The following SNRPD3 variants were observed in gnomAD, a reference collection of about 807,000 sequenced individuals.
SNRPD3 encodes the protein small nuclear ribonucleoprotein D3 polypeptide.
For missense variants in SNRPD3, 73 were observed against 167.5 expected (o/e 0.44, Z 3.11); for synonymous variants, 66 against 58.4 (o/e 1.13, Z -0.59).
chr22:24,561,064 C>CTTTTTTTTTTTTTTTTTTTTTTTTTT lies in SNRPD3; in HGVS notation c.126+3289_126+3290insTTTTTTTTTTTTTTTTTTTTTTTTTT, dbSNP rs1164120857. Among the ~76,000 whole-genome samples, 26 of 61,688 alleles carry CTTTTTTTTTTTTTTTTTTTTTTTTTT rather than the reference C, an allele frequency of 4.2e-4. 2 individuals are homozygous for CTTTTTTTTTTTTTTTTTTTTTTTTTT. Among genetic ancestry groups the CTTTTTTTTTTTTTTTTTTTTTTTTTT allele is most frequent in the African/African-American group, 1.1e-3 (15 of 13,076 alleles). The allele number at this position is 61,688 out of a possible 152,430, so 40.5% of individuals were successfully genotyped here. On this transcript the variant is annotated intron_variant, in intron 2 of 3. Coordinates refer to ENST00000215829, the MANE Select transcript of SNRPD3 (RefSeq NM_004175.5). The stretch of plus-strand genomic sequence containing the variant: ...TTTTTTTTCTTTTCCTTTTTCTTTT[C>CTTTTTTTTTTTTTTTTTTTTTTTTTT]TTTTTTTTTTTTTTTTTTTTTTTTT...
At position 24,574,667 on chromosome 22, in the gene SNRPD3, G is replaced by A. The variant is rs2045275276; in HGVS notation, c.*2690G>A. Among the ~76,000 whole-genome samples the A allele has an allele frequency of 6.6e-6, 1 of 152,166 alleles. No homozygotes were observed. Among genetic ancestry groups the A allele is most frequent in the South Asian group, 2.1e-4 (1 of 4,836 alleles). ...GGTGATTCTCCCACCTCAGCCTCCT[G>A]AGTAGCTAGAAATACTGGTGCACAC... On this transcript the variant is annotated 3_prime_UTR_variant, in exon 4 of 4. Transcript: ENST00000215829.
At chr22:24,568,989 G>C (rs765937714) in intron 3 of SNRPD3, among the ~76,000 whole-genome samples, 14 of 152,228 alleles carry the variant, frequency 9.2e-5, no homozygotes, top group Non-Finnish European at 1.8e-4. Context: ...GATTACCAGT[G>C]TGAGCCACCG....
At chr22:24,559,949 A>T (rs2045116546) in intron 2 of SNRPD3, among the ~76,000 whole-genome samples, 1 of 151,982 alleles carries the variant, frequency 6.6e-6, no homozygotes, top group Admixed American at 6.6e-5. Context: ...CTCCTTGCTT[A>T]TATATGGCTC....
At chr22:24,568,236 G>A in intron 3 of SNRPD3, 60 bp downstream of exon 3, 1 of 1,369,316 alleles carries the variant, frequency 7.3e-7, no homozygotes, top group Non-Finnish European at 1.0e-6. Context: ...TTGTAGAAAG[G>A]GGCCCTATTA....
intron 3 of SNRPD3, among the ~76,000 whole-genome samples, chr22:24,570,694 AT>A (rs2045241632): frequency 6.6e-6 from 1 of 152,074 alleles, no homozygotes; most frequent in South Asian, 2.1e-4. Flanking sequence ...AAAAAAAAGA[AT>A]ATTTTATTTG....
At chr22:24,569,491 C>G (rs2045228482) in intron 3 of SNRPD3, among the ~76,000 whole-genome samples, 3 of 152,176 alleles carry the variant, frequency 2.0e-5, no homozygotes, top group African/African-American at 7.2e-5. Flanking sequence ...TTCCTCTGCT[C>G]TCACAACACA....
At chr22:24,563,353 A>G (rs2045166564) in intron 2 of SNRPD3, among the ~76,000 whole-genome samples, 2 of 151,806 alleles carry the variant, frequency 1.3e-5, no homozygotes, top group Admixed American at 6.6e-5. Flanking sequence ...TGTGAAACTC[A>G]GGATGAGGTC....
Position 24,574,049 on chromosome 22 carries a change from A to G in SNRPD3, c.*2072A>G, listed in dbSNP as rs1403802681. Among the ~76,000 whole-genome samples the G allele has an allele frequency of 6.6e-6, 1 of 152,240 alleles. No individual in the cohort carries two copies. Among genetic ancestry groups the G allele is most frequent in the Admixed American group, 6.5e-5 (1 of 15,286 alleles). ...AGTATTCTATCTTAAGTAGACCTAAAGCCGTATTTTGACCCTGTACTAGTA... is the reference window on the plus strand; with the variant it reads ...AGTATTCTATCTTAAGTAGACCTAAGGCCGTATTTTGACCCTGTACTAGTA... On this transcript the variant is annotated 3_prime_UTR_variant, in exon 4 of 4. Transcript: ENST00000215829.
intron 2 of SNRPD3, among the ~76,000 whole-genome samples, chr22:24,565,464 T>G (rs891909950): frequency 6.6e-6 from 1 of 152,176 alleles, no homozygotes; most frequent in African/African-American, 2.4e-5. Context: ...ACTGTTGGCT[T>G]TGTTGTCTTG....
chr22:24,558,408 T>C (rs866665554), intron 2 of SNRPD3, among the ~76,000 whole-genome samples: 1 of 152,240 alleles, frequency 6.6e-6, no homozygotes, highest in Non-Finnish European at 1.5e-5. Context: ...TTCAGTTGTA[T>C]CTTCACACTT....
rs752998013 is a variant in SNRPD3, at chr22:24,572,085, T to C, written c.*108T>C. ...AGGTATCTTTTGCCATCTTTCTCTTTAGATCAGGGGAAATGTTTAAGCTAA... is the reference window on the plus strand; with the variant it reads ...AGGTATCTTTTGCCATCTTTCTCTTCAGATCAGGGGAAATGTTTAAGCTAA... On this transcript the variant is annotated 3_prime_UTR_variant, in exon 4 of 4. Transcript: ENST00000215829. 1.3e-6 allele frequency: 2 copies of C among 1,557,456 alleles called. No individual in the cohort carries two copies. The highest frequency in any genetic ancestry group is 1.4e-5 in the African/African-American group (1 of 73,108).
Position 24,560,715 on chromosome 22 carries a change from C to CCTTTTTTTTTTT in SNRPD3, c.126+2915_126+2916insCTTTTTTTTTTT, listed in dbSNP as rs1569024539. Among the ~76,000 whole-genome samples, 6 of 98,864 alleles carry CCTTTTTTTTTTT rather than the reference C, an allele frequency of 6.1e-5. 3 individuals carry two copies. The highest frequency in any genetic ancestry group is 1.8e-4 in the African/African-American group (4 of 22,370). 64.9% of individuals were successfully genotyped at this position (98,864 alleles called of 152,430 possible). On this transcript the variant is annotated intron_variant, in intron 2 of 3. Coordinates refer to ENST00000215829, the MANE Select transcript of SNRPD3 (RefSeq NM_004175.5). ...ACAGGCGTGAGCCACTGCACCTGGC[C>CCTTTTTTTTTTT]TTTTTTTTTTTTTTTTTTTTTTTTT... is the stretch of plus-strand genomic sequence containing the variant.
chr22:24,572,023 C>T lies in SNRPD3; in HGVS notation c.*46C>T, dbSNP rs955728119. The T allele has an allele frequency of 4.3e-6, 7 of 1,610,554 alleles. No individual in the cohort carries two copies. Among genetic ancestry groups the T allele is most frequent in the Non-Finnish European group, 3.4e-6 (4 of 1,178,084 alleles). On this transcript the variant is annotated 3_prime_UTR_variant, in exon 4 of 4. Transcript: ENST00000215829. ...TTTGTCCTTTTTTCTTTCAGGTTAT[C>T]TGAGTTCATTGGAGTGGGTGCTTGT...
Position 24,560,715 on chromosome 22 carries a change from C to CCTTTTTTTTTTTTTTTTTTTT in SNRPD3, c.126+2915_126+2916insCTTTTTTTTTTTTTTTTTTTT. On this transcript the variant is annotated intron_variant, in intron 2 of 3. Transcript: ENST00000215829. ...ACAGGCGTGAGCCACTGCACCTGGC[C>CCTTTTTTTTTTTTTTTTTTTT]TTTTTTTTTTTTTTTTTTTTTTTTT... Among the ~76,000 whole-genome samples, 2 of 98,864 alleles carry CCTTTTTTTTTTTTTTTTTTTT rather than the reference C, an allele frequency of 2.0e-5. 1 individual carries two copies. Among genetic ancestry groups the CCTTTTTTTTTTTTTTTTTTTT allele is most frequent in the Non-Finnish European group, 3.7e-5 (2 of 53,526 alleles). 64.9% of individuals were successfully genotyped at this position (98,864 alleles called of 152,430 possible).
Position 24,574,152 on chromosome 22 carries a change from A to G in SNRPD3, c.*2175A>G, listed in dbSNP as rs982557301. 7.2e-5 allele frequency among the ~76,000 whole-genome samples: 11 copies of G among 152,200 alleles called. No homozygotes were observed. The highest frequency in any genetic ancestry group is 1.6e-4 in the Non-Finnish European group (11 of 68,036). On this transcript the variant is annotated 3_prime_UTR_variant, in exon 4 of 4. Coordinates refer to ENST00000215829, the MANE Select transcript of SNRPD3 (RefSeq NM_004175.5). The stretch of plus-strand genomic sequence containing the variant: ...TACTTACTTTGAATAATAACACATT[A>G]CACTTAATAGTAGTGAACTGCATCC...
Position 24,574,688 on chromosome 22 carries a change from C to T in SNRPD3, c.*2711C>T, listed in dbSNP as rs1458252337. Among the ~76,000 whole-genome samples the T allele has an allele frequency of 6.6e-6, 1 of 152,168 alleles. No individual in the cohort carries two copies. The highest frequency in any genetic ancestry group is 1.5e-5 in the Non-Finnish European group (1 of 68,034). The stretch of plus-strand genomic sequence containing the variant: ...TCCTGAGTAGCTAGAAATACTGGTG[C>T]ACACCACCATGCCTAGCTAATTTTT... On this transcript the variant is annotated 3_prime_UTR_variant, in exon 4 of 4. Transcript: ENST00000215829.
intron 1 of SNRPD3, 107 bp from the exon 2 acceptor site, chr22:24,557,549 GT>G: frequency 2.7e-6 from 2 of 747,768 alleles, no homozygotes; most frequent in Non-Finnish European, 4.4e-6. Flanking sequence ...CAGCTTTGGT[GT>G]TTTTGCTAAG....
chr22:24,563,182 ACACAGTGAGACCCTGTCTCATATATG>A (rs1402603792), intron 2 of SNRPD3, among the ~76,000 whole-genome samples: 2 of 150,946 alleles, frequency 1.3e-5, no homozygotes, highest in Non-Finnish European at 2.9e-5. Flanking sequence ...ACCCTGGGCA[ACACAGTGAGACCCTGTCTCATATATG>A]TGTGTGTGTG....
rs567219995 is a variant in SNRPD3 at position 24,557,091 on chromosome 22, C to T, written c.-18-566C>T. On this transcript the variant is annotated intron_variant, in intron 1 of 3. Coordinates refer to ENST00000215829, the MANE Select transcript of SNRPD3 (RefSeq NM_004175.5). ...ATCTGCACCTTCCATAGGGTAGCCA[C>T]TAGCTACATGTGGCCGTTGAGGACT... 2.0e-5 allele frequency among the ~76,000 whole-genome samples: 3 copies of T among 152,346 alleles called. No individual in the cohort carries two copies. The South Asian group carries it at 6.2e-4, about 32-fold the overall frequency.
Sources: allele counts gnomAD v4.1 joint callset (sites outside exome capture counted in the v4.1 genomes callset), GRCh38; gene constraint gnomAD v4.1.1; transcripts MANE v1.5; gene names NCBI Gene and HGNC (gene_info 2026-07-23, HGNC 2026-07-21).